The following KATNAL2 variants were observed in gnomAD, a reference collection of about 807,000 sequenced individuals.
KATNAL2 encodes katanin catalytic subunit A1 like 2.
Under a neutral mutation model 76.3 loss-of-function variants are expected in KATNAL2, and 52 were observed. The observed-to-expected ratio is 0.68, with a 90% CI of 0.55 to 0.86. The LOEUF (loss-of-function observed/expected upper bound fraction) is 0.86. Ranked by LOEUF, KATNAL2 falls within the 40% of genes least tolerant of loss-of-function variation. The pLI is 0.00. For missense variants in KATNAL2, 660 were observed against 668.9 expected, an observed-to-expected ratio of 0.99 and a Z score of 0.15; for synonymous variants, 243 against 244.2, an observed-to-expected ratio of 1.00 and a Z score of 0.05.
At chr18:47,059,081 A>G (rs1000277659) in intron 7 of KATNAL2, among the ~76,000 whole-genome samples, 1 of 152,222 alleles carries the variant, frequency 6.6e-6, no homozygotes, top group Non-Finnish European at 1.5e-5. Context: ...CCGATTGGTC[A>G]AAAGGATTCT....
Position 47,101,231 on chromosome 18 carries a change from C to A in KATNAL2, c.*226C>A. On this transcript the variant is annotated 3_prime_UTR_variant, in exon 18 of 18. Transcript: ENST00000683218. ...AGTTTCAGTTACATACATATATGTG[C>A]TATTGGGTCATACAATGGAGATTTT... The A allele has an allele frequency of 4.3e-6, 2 of 467,404 alleles. No homozygotes were observed. Among genetic ancestry groups the A allele is most frequent in the Non-Finnish European group, 7.7e-6 (2 of 258,814 alleles). 29.0% of individuals were successfully genotyped at this position (467,404 alleles called of 1,614,324 possible).
At chr18:47,071,496 C>T (rs1446227702) in intron 13 of KATNAL2, among the ~76,000 whole-genome samples, 1 of 151,808 alleles carries the variant, frequency 6.6e-6, no homozygotes, top group Non-Finnish European at 1.5e-5. Context: ...TTCTTATCAC[C>T]CTGAAGTCTT....
intron 3 of KATNAL2, among the ~76,000 whole-genome samples, chr18:46,960,470 A>G (rs1380926040): frequency 6.6e-6 from 1 of 151,852 alleles, no homozygotes; most frequent in Non-Finnish European, 1.5e-5. Flanking sequence ...AGATGAAGCG[A>G]TAGAGATTGG....
intron 1 of KATNAL2, among the ~76,000 whole-genome samples, chr18:46,939,970 A>G (rs575663072): frequency 1.3e-5 from 2 of 152,372 alleles, no homozygotes; most frequent in East Asian, 1.9e-4. Context: ...TTACAGACAA[A>G]AAAAGCAAAC....
chr18:47,034,985 C>T (rs2060696004), intron 3 of KATNAL2: 1 of 1,611,482 alleles, frequency 6.2e-7, no homozygotes, highest in African/African-American at 1.3e-5. Context: ...TGTCGGGAAG[C>T]GCTCTCCTCA....
Position 47,058,271 on chromosome 18 carries a change from C to G in KATNAL2, c.369C>G (p.Ile123Met), listed in dbSNP as rs113388488. 6.2e-7 allele frequency: 1 copy of G among 1,613,976 alleles called. No homozygotes were observed. The highest frequency in any genetic ancestry group is 1.7e-5 in the Admixed American group (1 of 60,022). The change falls in exon 7 of 18, where the codon ATC becomes ATG. Residue 123 changes from isoleucine to methionine, a missense_variant. Transcript: ENST00000683218. ...MNDSCQNLPK[I>M]NQQRPRSKTT... ...ACAGTTGTCAAAATCTTCCCAAGAT[C>G]AATCAGCAGAGGCCCCGGTCCAAAA...
At chr18:47,058,588 C>T (rs189013935) in intron 7 of KATNAL2, among the ~76,000 whole-genome samples, 4 of 151,900 alleles carry the variant, frequency 2.6e-5, no homozygotes, top group Non-Finnish European at 5.9e-5. Flanking sequence ...AGTTTTTCCC[C>T]TGGTCTGGGT....
chr18:47,033,325 A>G, intron 3 of KATNAL2: 1 of 1,613,796 alleles, frequency 6.2e-7, no homozygotes, highest in East Asian at 2.2e-5. Context: ...CGTCTTGGCC[A>G]CAGATTTGAA....
chr18:47,099,441 G>A, intron 16 of KATNAL2, 36 bp downstream of exon 16: 1 of 1,565,958 alleles, frequency 6.4e-7, no homozygotes, highest in South Asian at 1.2e-5. Flanking sequence ...TGTAGGTCAA[G>A]GGCCCACCAT....
At chr18:47,080,572 G>A (rs933160182) in intron 15 of KATNAL2, among the ~76,000 whole-genome samples, 5 of 152,012 alleles carry the variant, frequency 3.3e-5, no homozygotes, top group African/African-American at 7.3e-5. Context: ...TGGGTCATAC[G>A]GCCACTCTAC....
At chr18:47,094,770 G>A (rs990261393) in intron 15 of KATNAL2, among the ~76,000 whole-genome samples, 12 of 152,140 alleles carry the variant, frequency 7.9e-5, no homozygotes, top group East Asian at 1.9e-4. Context: ...AGGGATAGTC[G>A]GTATCTCATT....
chr18:47,099,252 C>G lies in KATNAL2; in HGVS notation c.1221C>G (p.Asp407Glu). 6.2e-7 allele frequency: 1 copy of G among 1,612,854 alleles called. No individual in the cohort carries two copies. The highest frequency in any genetic ancestry group is 1.1e-5 in the South Asian group (1 of 90,782). The part of the protein sequence containing the change: ...LAASNLPWEL[D>E]CAMLRRLEKR... ...TCTGGTGTGATTTCAGGGAGCTGGA[C>G]TGTGCCATGTTACGCCGCCTGGAGA... is the stretch of plus-strand genomic sequence containing the variant. Residue 407 changes from aspartate (D) to glutamate (E), a missense_variant, in exon 16 of 18, where the codon GAC becomes GAG. By Grantham distance (45) the Asp-to-Glu change is conservative. Coordinates refer to ENST00000683218, the MANE Select transcript of KATNAL2 (RefSeq NM_001387690.1).
At chr18:46,923,675 G>A (rs1284095293) in intron 1 of KATNAL2, among the ~76,000 whole-genome samples, 2 of 152,168 alleles carry the variant, frequency 1.3e-5, no homozygotes, top group South Asian at 2.1e-4. Context: ...GGTTGAACTA[G>A]TTTACAGTCC....
At chr18:47,062,733 C>T (rs2061673886) in intron 8 of KATNAL2, among the ~76,000 whole-genome samples, 1 of 152,184 alleles carries the variant, frequency 6.6e-6, no homozygotes, top group Non-Finnish European at 1.5e-5. Flanking sequence ...CTGAGAAATA[C>T]TCATGAATTT....
intron 15 of KATNAL2, among the ~76,000 whole-genome samples, chr18:47,093,758 A>G (rs1007861788): frequency 6.6e-6 from 1 of 152,062 alleles, no homozygotes; most frequent in African/African-American, 2.4e-5. Context: ...TGATCCTCCT[A>G]CCTTGGCCTC....
At position 47,077,401 on chromosome 18, in the gene KATNAL2, T is replaced by C. The variant is rs1274315452; in HGVS notation, c.1151T>C (p.Met384Thr). The C allele has an allele frequency of 4.3e-6, 7 of 1,613,894 alleles. No individual in the cohort carries two copies. The African/African-American group carries it at 5.3e-5, about 12-fold the overall frequency. ...ATGAAGACAGAGTTACTGGTGCAGA[T>C]GGATGGGCTGGCACGCTCAGAAGAT... ...LRMKTELLVQMDGLARSEDLV... is the reference protein window; with the variant it reads ...LRMKTELLVQTDGLARSEDLV... Residue 384 changes from methionine to threonine, a missense_variant, in exon 15 of 18, where the codon ATG (methionine) becomes ACG (threonine). Physicochemically the swap from Met to Thr is moderately conservative, Grantham distance 81. Coordinates refer to ENST00000683218, the MANE Select transcript of KATNAL2 (RefSeq NM_001387690.1).
intron 15 of KATNAL2, among the ~76,000 whole-genome samples, chr18:47,097,252 A>G (rs1199391875): frequency 6.6e-6 from 1 of 152,186 alleles, no homozygotes; most frequent in Non-Finnish European, 1.5e-5. Context: ...TTGAAAGGGC[A>G]TAAGGAATTG....
chr18:46,917,683 C>T lies in KATNAL2; in HGVS notation c.-753C>T. The T allele has an allele frequency of 4.3e-6, 2 of 468,544 alleles. No individual in the cohort carries two copies. Among genetic ancestry groups the T allele is most frequent in the East Asian group, 1.5e-4 (1 of 6,654 alleles). 29.0% of individuals were successfully genotyped at this position (468,544 alleles called of 1,614,324 possible). On this transcript the variant is annotated 5_prime_UTR_variant, in exon 1 of 18. Transcript: ENST00000683218. ...TGGCCCCGCTCGGCCCCAGGTCGTG[C>T]CTTCCCTCCCCGGCGGAGGCCCCTG...
chr18:46,935,943 C>A (rs1288710794), intron 1 of KATNAL2, among the ~76,000 whole-genome samples: 9 of 151,988 alleles, frequency 5.9e-5, no homozygotes, highest in African/African-American at 2.2e-4. Context: ...ACCCTCTGGA[C>A]CAGTAGGAAC....
Sources: allele counts gnomAD v4.1 joint callset (sites outside exome capture counted in the v4.1 genomes callset), GRCh38; gene constraint gnomAD v4.1.1; transcripts MANE v1.5; gene names NCBI Gene and HGNC (gene_info 2026-07-23, HGNC 2026-07-21).